The following DCC variants were observed in gnomAD, a reference collection of about 807,000 sequenced individuals.
DCC encodes netrin receptor DCC.
A neutral mutation model predicts 172.5 loss-of-function variants in DCC; 58 were observed. That is an observed-to-expected ratio of 0.34 (90% CI 0.27 to 0.42). The LOEUF (loss-of-function observed/expected upper bound fraction) is 0.42. Among genes scored for constraint, DCC ranks in the 10% least tolerant of loss-of-function variants. The pLI is 1.00. For missense variants in DCC, 1,740 were observed against 1,791.0 expected (o/e 0.97, Z 0.51); for synonymous variants, 709 against 644.5 (o/e 1.10, Z -1.52).
At chr18:52,474,833 C>G (rs1378957095) in intron 1 of DCC, among the ~76,000 whole-genome samples, 1 of 152,154 alleles carries the variant, frequency 6.6e-6, no homozygotes, top group East Asian at 1.9e-4. Flanking sequence ...AGACTTTCTC[C>G]TTTATGGAGG....
intron 1 of DCC, among the ~76,000 whole-genome samples, chr18:52,387,369 G>C (rs750128686): frequency 6.6e-6 from 1 of 152,130 alleles, no homozygotes; most frequent in Non-Finnish European, 1.5e-5. Context: ...GGAGACCAGA[G>C]AGCGAGTCTG....
At chr18:53,386,653 C>T (rs1908190312) in intron 16 of DCC, among the ~76,000 whole-genome samples, 1 of 152,096 alleles carries the variant, frequency 6.6e-6, no homozygotes, top group Non-Finnish European at 1.5e-5. Flanking sequence ...AGCTGGGCCT[C>T]CAGGTCACCC....
At chr18:53,158,917 C>T (rs375350442) in intron 8 of DCC, among the ~76,000 whole-genome samples, 202 of 144,484 alleles carry the variant, frequency 1.4e-3, no homozygotes, top group African/African-American at 4.7e-3. Flanking sequence ...TGCTTGATCA[C>T]GGGAAGCGGA....
chr18:52,722,619 C>T (rs965390548), intron 1 of DCC, among the ~76,000 whole-genome samples: 4 of 152,122 alleles, frequency 2.6e-5, no homozygotes, highest in Non-Finnish European at 5.9e-5. Context: ...AAAGTAATGG[C>T]GGTTTTTGCA....
At chr18:53,284,933 T>C (rs1375072271) in intron 12 of DCC, among the ~76,000 whole-genome samples, 1 of 152,174 alleles carries the variant, frequency 6.6e-6, no homozygotes, top group African/African-American at 2.4e-5. Context: ...ATTTTGCCCC[T>C]TCCCTAGAGA....
intron 1 of DCC, among the ~76,000 whole-genome samples, chr18:52,429,373 A>G (rs912824291): frequency 1.3e-5 from 2 of 151,900 alleles, no homozygotes; most frequent in Admixed American, 1.3e-4. Flanking sequence ...AATAGACATT[A>G]CCCTTGAATT....
intron 9 of DCC, among the ~76,000 whole-genome samples, chr18:53,186,339 C>T (rs1049015232): frequency 6.6e-6 from 1 of 152,252 alleles, no homozygotes; most frequent in South Asian, 2.1e-4. Context: ...TGGGTTTAAT[C>T]GCCTAGTTTG....
At chr18:52,723,008 C>A (rs1168689735) in intron 1 of DCC, among the ~76,000 whole-genome samples, 1 of 152,160 alleles carries the variant, frequency 6.6e-6, no homozygotes, top group Non-Finnish European at 1.5e-5. Context: ...ATGTTTTCTT[C>A]CAGAATTTGA....
chr18:52,382,705 G>C (rs944607000), intron 1 of DCC, among the ~76,000 whole-genome samples: 1 of 152,104 alleles, frequency 6.6e-6, no homozygotes, highest in East Asian at 1.9e-4. Context: ...TCAGGGTTCT[G>C]CCTTGGGTCT....
chr18:52,570,965 G>C (rs2033278817), intron 1 of DCC, among the ~76,000 whole-genome samples: 1 of 152,078 alleles, frequency 6.6e-6, no homozygotes, highest in South Asian at 2.1e-4. Flanking sequence ...TACTTTAGGG[G>C]TTATAATTTG....
chr18:53,406,703 C>CAAA (rs35372678), intron 19 of DCC, among the ~76,000 whole-genome samples: 13 of 92,270 alleles, frequency 1.4e-4, no homozygotes, highest in Non-Finnish European at 3.1e-4. Context: ...GACTCTGTCT[C>CAAA]AAAAAAAAAA....
intron 12 of DCC, among the ~76,000 whole-genome samples, chr18:53,232,274 A>G (rs549357193): frequency 1.3e-5 from 2 of 152,204 alleles, no homozygotes; most frequent in South Asian, 4.1e-4. Flanking sequence ...TCAGCTCCCT[A>G]CTTGACTTGT....
At chr18:52,716,445 G>A (rs973905116) in intron 1 of DCC, among the ~76,000 whole-genome samples, 1 of 152,188 alleles carries the variant, frequency 6.6e-6, no homozygotes, top group African/African-American at 2.4e-5. Flanking sequence ...GACATAAAGG[G>A]ATGTGACTGT....
intron 13 of DCC, among the ~76,000 whole-genome samples, chr18:53,314,830 A>C (rs550687954): frequency 1.3e-5 from 2 of 152,278 alleles, no homozygotes; most frequent in African/African-American, 4.8e-5. Flanking sequence ...TGCAGATGTA[A>C]TAGAAAGGAA....
At chr18:52,717,170 G>T (rs920105969) in intron 1 of DCC, among the ~76,000 whole-genome samples, 1 of 152,154 alleles carries the variant, frequency 6.6e-6, no homozygotes, top group South Asian at 2.1e-4. Flanking sequence ...TTGTAAACAG[G>T]ATGAGGAAGA....
At chr18:52,953,000 C>CAAAAAAAAAAAAAA (rs11315976) in intron 5 of DCC, among the ~76,000 whole-genome samples, 1 of 52,220 alleles carries the variant, frequency 1.9e-5, no homozygotes, top group Non-Finnish European at 3.2e-5. Flanking sequence ...TCTCCTGTCT[C>CAAAAAAAAAAAAAA]AAAAAAAAAA....
intron 1 of DCC, among the ~76,000 whole-genome samples, chr18:52,710,241 A>G (rs2036273447): frequency 6.6e-6 from 1 of 152,242 alleles, no homozygotes; most frequent in Non-Finnish European, 1.5e-5. Flanking sequence ...CGTAAGACAG[A>G]ATATCATGCA....
At chr18:52,667,321 A>G (rs561136189) in intron 1 of DCC, among the ~76,000 whole-genome samples, 1 of 152,358 alleles carries the variant, frequency 6.6e-6, no homozygotes, top group South Asian at 2.1e-4. Flanking sequence ...CTAAGCATAA[A>G]TACTGCAGGT....
At chr18:52,552,596 A>T (rs1224981619) in intron 1 of DCC, among the ~76,000 whole-genome samples, 1 of 152,074 alleles carries the variant, frequency 6.6e-6, no homozygotes, top group Non-Finnish European at 1.5e-5. Flanking sequence ...AAAAGCATCT[A>T]GCAAGATTCA....
Sources: gnomAD v4.1 joint callset for allele counts (sites outside exome capture counted in the v4.1 genomes callset) on GRCh38, gnomAD v4.1.1 for gene constraint, MANE v1.5 for transcripts, NCBI Gene and HGNC (gene_info 2026-07-23, HGNC 2026-07-21) for gene names.